The following GRIK4 variants were observed in gnomAD, a reference collection of about 807,000 sequenced individuals.
GRIK4 encodes glutamate ionotropic receptor kainate type subunit 4.
GRIK4 carries 40 observed loss-of-function variants against 104.9 expected under a neutral mutation model. The observed-to-expected ratio is 0.38, with a 90% CI of 0.30 to 0.50. GRIK4 has a LOEUF of 0.50. GRIK4 is among the 20% of genes least tolerant of loss of function. GRIK4 has a pLI of 0.93. For missense variants in GRIK4, 1,047 were observed against 1,308.1 expected (o/e 0.80, Z 3.08); for synonymous variants, 485 against 524.9 (o/e 0.92, Z 1.04).
At position 120,905,536 on chromosome 11, in the gene GRIK4, AGGG is replaced by A; in HGVS notation, c.1476+44_1476+46del. The A allele has an allele frequency of 1.5e-5, 7 of 458,742 alleles. No homozygotes were observed. The highest frequency in any genetic ancestry group is 5.9e-5 in the East Asian group (1 of 17,072). 28.4% of individuals were successfully genotyped at this position (458,742 alleles called of 1,614,324 possible). On this transcript the variant is annotated intron_variant, in intron 13 of 20. Coordinates refer to ENST00000527524, the MANE Select transcript of GRIK4 (RefSeq NM_014619.5). This position sits in a 1 kb window ranked among gnomAD's most constrained non-coding sequence, Gnocchi z 5.1. ...GATCTGGGCCTGAGGGTGGGCTGGG[AGGG>A]ATTGGAAGAGCATGAGGTTGTGCTG...
At chr11:120,814,008 C>G (rs1050638034) in intron 4 of GRIK4, among the ~76,000 whole-genome samples, 3 of 152,188 alleles carry the variant, frequency 2.0e-5, no homozygotes, top group Non-Finnish European at 4.4e-5. Context: ...CTTTCTCAGT[C>G]TCTAGCATTT....
At chr11:120,662,516 G>C (rs1186299621) in intron 3 of GRIK4, among the ~76,000 whole-genome samples, 20 of 152,170 alleles carry the variant, frequency 1.3e-4, no homozygotes, top group Admixed American at 1.3e-3. Context: ...TAATTACATG[G>C]ACTCCAGAGG....
rs111846724 is a variant in GRIK4 at position 120,923,013 on chromosome 11, A to G, written c.1477-17334A>G. Among the ~76,000 whole-genome samples, 851 of 152,382 alleles carry G rather than the reference A, an allele frequency of 5.6e-3. 7 individuals are homozygous for G. Among genetic ancestry groups the G allele is most frequent in the African/African-American group, 0.018 (741 of 41,598 alleles). On this transcript the variant is annotated intron_variant, in intron 13 of 20. Coordinates refer to ENST00000527524, the MANE Select transcript of GRIK4 (RefSeq NM_014619.5). ...GCCAGACAGATCCCTATCCAGATCC[A>G]GGAGACACCCTGCACGGACCTGCCG... is the stretch of plus-strand genomic sequence containing the variant.
At chr11:120,916,984 G>A (rs1388157154) in intron 13 of GRIK4, among the ~76,000 whole-genome samples, 1 of 151,572 alleles carries the variant, frequency 6.6e-6, no homozygotes, top group Non-Finnish European at 1.5e-5. Context: ...GGTGGCTCAC[G>A]CCTGTAATCC....
intron 1 of GRIK4, among the ~76,000 whole-genome samples, chr11:120,548,222 C>A (rs943029856): frequency 6.6e-6 from 1 of 152,036 alleles, no homozygotes; most frequent in African/African-American, 2.4e-5. Flanking sequence ...ATGCATGACA[C>A]GTGATAAGTA....
chr11:120,605,422 C>G (rs1948947235), intron 1 of GRIK4, among the ~76,000 whole-genome samples: 1 of 152,232 alleles, frequency 6.6e-6, no homozygotes, highest in Non-Finnish European at 1.5e-5. Context: ...TTTTCCTCAT[C>G]AGTTAAATAA....
intron 1 of GRIK4, among the ~76,000 whole-genome samples, chr11:120,561,636 T>C (rs1037855878): frequency 1.3e-5 from 2 of 152,196 alleles, no homozygotes; most frequent in East Asian, 1.9e-4. Context: ...GGGCAGCCCA[T>C]GTATGCCTAG....
At chr11:120,663,649 C>T (rs2135247349) in intron 3 of GRIK4, among the ~76,000 whole-genome samples, 1 of 152,312 alleles carries the variant, frequency 6.6e-6, no homozygotes, top group South Asian at 2.1e-4. Context: ...TTCCTTGGCT[C>T]TGTATTTTAC....
At chr11:120,960,873 CG>C (rs1357424007) in intron 16 of GRIK4, 35 bp from the exon 17 acceptor site, 2 of 1,582,284 alleles carry the variant, frequency 1.3e-6, no homozygotes, top group African/African-American at 2.7e-5. Flanking sequence ...AGGGAGTGCC[CG>C]GGCAATGATG....
intron 1 of GRIK4, among the ~76,000 whole-genome samples, chr11:120,587,799 A>C (rs1276279565): frequency 6.6e-6 from 1 of 152,200 alleles, no homozygotes; most frequent in Non-Finnish European, 1.5e-5. Flanking sequence ...GTGCTGAGTA[A>C]GTCTGTGGGG....
At chr11:120,798,878 A>G (rs1952572416) in intron 3 of GRIK4, among the ~76,000 whole-genome samples, 1 of 152,204 alleles carries the variant, frequency 6.6e-6, no homozygotes, top group Non-Finnish European at 1.5e-5. Flanking sequence ...TAAGGCAGTA[A>G]TATTGGGGGT....
At chr11:120,818,009 A>T (rs1953005943) in intron 5 of GRIK4, among the ~76,000 whole-genome samples, 1 of 152,232 alleles carries the variant, frequency 6.6e-6, no homozygotes, top group Non-Finnish European at 1.5e-5. Context: ...TGATGTTTTG[A>T]CAAGTTAAGT....
At chr11:120,890,704 TC>T (rs755731014) in intron 11 of GRIK4, among the ~76,000 whole-genome samples, 1 of 152,224 alleles carries the variant, frequency 6.6e-6, no homozygotes, top group Non-Finnish European at 1.5e-5. Flanking sequence ...ATTATTGTTG[TC>T]TGAAGTACCT....
At chr11:120,660,180 C>A in intron 2 of GRIK4, 89 bp from the exon 3 acceptor site, 1 of 646,076 alleles carries the variant, frequency 1.5e-6, no homozygotes, top group Non-Finnish European at 2.8e-6. Flanking sequence ...ACAAAGGGGC[C>A]TCTCCGGCTC....
intron 13 of GRIK4, among the ~76,000 whole-genome samples, chr11:120,924,750 T>C (rs923357313): frequency 1.3e-5 from 2 of 152,134 alleles, no homozygotes; most frequent in Admixed American, 1.3e-4. Context: ...AAAAAACAGT[T>C]TTGGGGTATG....
intron 1 of GRIK4, among the ~76,000 whole-genome samples, chr11:120,592,920 C>T (rs1330742510): frequency 6.6e-6 from 1 of 152,186 alleles, no homozygotes; most frequent in Admixed American, 6.5e-5. Flanking sequence ...TGGTGGTTCA[C>T]ACCTGTAATC....
intron 1 of GRIK4, among the ~76,000 whole-genome samples, chr11:120,564,957 C>G (rs984203928): frequency 4.3e-5 from 6 of 139,374 alleles, no homozygotes; most frequent in Admixed American, 2.1e-4. Context: ...CCTTTTCCGG[C>G]GATCGGCTCC....
chr11:120,546,064 A>G lies in GRIK4; in HGVS notation c.-159+34177A>G, dbSNP rs1218172466. Among the ~76,000 whole-genome samples, 4 of 152,144 alleles carry G rather than the reference A, an allele frequency of 2.6e-5. No individual in the cohort carries two copies. In the East Asian group the frequency reaches 7.7e-4, roughly 29 times the overall value. On this transcript the variant is annotated intron_variant, in intron 1 of 20. Coordinates refer to ENST00000527524, the MANE Select transcript of GRIK4 (RefSeq NM_014619.5). The stretch of plus-strand genomic sequence containing the variant: ...TCGTGTCTCTGTGGCCCATGACCAA[A>G]GAATCCGTGGTCTTTGTGGGTGGGT...
chr11:120,512,657 G>C (rs1251037211), intron 1 of GRIK4, among the ~76,000 whole-genome samples: 5 of 152,128 alleles, frequency 3.3e-5, no homozygotes, highest in Non-Finnish European at 5.9e-5. Context: ...TGGGGCGGAG[G>C]GGGAGGGGAG....
Sources: allele counts gnomAD v4.1 joint callset (sites outside exome capture counted in the v4.1 genomes callset), GRCh38; gene constraint gnomAD v4.1.1; non-coding constraint Gnocchi (gnomAD v3.1); transcripts MANE v1.5; gene names NCBI Gene and HGNC (gene_info 2026-07-23, HGNC 2026-07-21).